The following AP1G1 variants were observed in gnomAD, a reference collection of about 807,000 sequenced individuals.
AP1G1 encodes adaptor related protein complex 1 subunit gamma 1, also known as AP-1 complex subunit gamma-1.
Under a neutral mutation model 108.3 loss-of-function variants are expected in AP1G1, and 7 were observed. The observed-to-expected ratio is 0.06, with a 90% confidence interval of 0.04 to 0.12. The LOEUF is 0.12. Among genes scored for constraint, AP1G1 ranks in the 10% least tolerant of loss-of-function variants. AP1G1 has a pLI of 1.00. For missense variants in AP1G1, 756 were observed against 1,010.7 expected (o/e 0.75, Z 3.42); for synonymous variants, 379 against 353.5 (o/e 1.07, Z -0.81).
chr16:71,806,616 C>T (rs1400225855), intron 1 of AP1G1: 3 of 1,012,968 alleles, frequency 3.0e-6, no homozygotes, highest in African/African-American at 3.4e-5. Context: ...GATAGCTCTT[C>T]TAACACCTTA....
At chr16:71,780,667 A>G (rs1266049206) in intron 2 of AP1G1, among the ~76,000 whole-genome samples, 1 of 151,996 alleles carries the variant, frequency 6.6e-6, no homozygotes, top group Non-Finnish European at 1.5e-5. Flanking sequence ...GTCTTGCTCT[A>G]TCGCCCAAGC....
chr16:71,796,177 T>C (rs1367394393), intron 1 of AP1G1, among the ~76,000 whole-genome samples: 1 of 152,170 alleles, frequency 6.6e-6, no homozygotes, highest in East Asian at 1.9e-4. Context: ...GGACTTGGGT[T>C]GCAGTGAGCT....
rs1351311008 is a variant in AP1G1 at position 71,789,372 on chromosome 16, T to C, written c.108A>G (p.Ser36=). The C allele has an allele frequency of 1.2e-6, 2 of 1,614,250 alleles. No homozygotes were observed. The change falls in exon 2 of 23, where the codon TCA becomes TCG. Residue 36 remains serine, a synonymous_variant. Coordinates refer to ENST00000299980, the MANE Select transcript of AP1G1 (RefSeq NM_001128.6). ...ATGTATTGTCTTCTTCTCTAAAAGA[T>C]GACCGGATTGCAGCACATTCTTTCT... ...MIQKECAAIR[S]SFREEDNTYR... is the part of the protein sequence containing the mutation.
At chr16:71,769,283 CAA>C (rs375309588) in intron 6 of AP1G1, among the ~76,000 whole-genome samples, 1 of 142,088 alleles carries the variant, frequency 7.0e-6, no homozygotes. Context: ...AACTACATCT[CAA>C]AAAAAAAAAC....
chr16:71,750,122 G>A, intron 14 of AP1G1, 88 bp downstream of exon 14: 2 of 1,529,910 alleles, frequency 1.3e-6, no homozygotes, highest in Non-Finnish European at 1.8e-6. Flanking sequence ...CCAAAGGGGA[G>A]AGAGGAGGGG....
intron 2 of AP1G1, among the ~76,000 whole-genome samples, chr16:71,780,504 A>AAG (rs2031974482): frequency 6.6e-6 from 1 of 151,674 alleles, no homozygotes; most frequent in African/African-American, 2.4e-5. Flanking sequence ...ATTTAAAAAA[A>AAG]AAAAAAAAAA....
At chr16:71,752,623 T>C (rs2030564234) in intron 13 of AP1G1, among the ~76,000 whole-genome samples, 1 of 152,162 alleles carries the variant, frequency 6.6e-6, no homozygotes, top group African/African-American at 2.4e-5. Context: ...TTTTGTGTAC[T>C]TGTCCTATTA....
chr16:71,781,375 C>G (rs577254402), intron 2 of AP1G1, among the ~76,000 whole-genome samples: 1 of 152,142 alleles, frequency 6.6e-6, no homozygotes, highest in Non-Finnish European at 1.5e-5. Flanking sequence ...ATAAAAATCA[C>G]GTAACTGTCA....
At chr16:71,791,184 C>A (rs1420643009) in intron 1 of AP1G1, among the ~76,000 whole-genome samples, 1 of 146,270 alleles carries the variant, frequency 6.8e-6, no homozygotes, top group African/African-American at 2.5e-5. Context: ...CACACCACTG[C>A]AATCCAGCCT....
intron 1 of AP1G1, among the ~76,000 whole-genome samples, chr16:71,791,248 A>T (rs576850115): frequency 1.3e-5 from 2 of 151,936 alleles, no homozygotes; most frequent in East Asian, 3.9e-4. Flanking sequence ...CAAAAAAAAC[A>T]AAAACAAAAA....
chr16:71,803,374 T>C (rs1054716814), intron 1 of AP1G1, among the ~76,000 whole-genome samples: 1 of 152,332 alleles, frequency 6.6e-6, no homozygotes, highest in East Asian at 1.9e-4. Context: ...TCCAATGGTC[T>C]GAGTAGGCTT....
chr16:71,765,017 T>C (rs1382669257), intron 7 of AP1G1, among the ~76,000 whole-genome samples: 2 of 152,188 alleles, frequency 1.3e-5, no homozygotes, highest in Non-Finnish European at 2.9e-5. Context: ...TATTAAATAA[T>C]TCAAATAATA....
At chr16:71,806,901 A>ACAATCT (rs1241174694) in intron 1 of AP1G1, among the ~76,000 whole-genome samples, 1 of 152,240 alleles carries the variant, frequency 6.6e-6, no homozygotes, top group Non-Finnish European at 1.5e-5. Context: ...GAATTTATCT[A>ACAATCT]CAATCTCATT....
Position 71,774,567 on chromosome 16 carries a change from G to A in AP1G1, c.227C>T (p.Ser76Phe). The A allele has an allele frequency of 1.3e-6, 2 of 1,590,660 alleles. No individual in the cohort carries two copies. The highest frequency in any genetic ancestry group is 1.7e-6 in the Non-Finnish European group (2 of 1,173,174). The change falls in exon 3 of 23, where the codon TCT becomes TTT. Residue 76 changes from serine to phenylalanine, a missense_variant. By Grantham distance (155) the Ser-to-Phe change is radical (BLOSUM62 -2). This residue lies in a region of AP1G1 where 304 missense variants were observed against 483.6 expected (regional missense o/e 0.63). Coordinates refer to ENST00000299980, the MANE Select transcript of AP1G1 (RefSeq NM_001128.6). ...GQLECLKLIASQKFTDKRIGY... is the reference protein window; with the variant it reads ...GQLECLKLIAFQKFTDKRIGY... ...AATGCGTTTGTCTGTAAATTTTTGA[G>A]AGGCAATAAGCTTGAGGCACTCCAA...
At chr16:71,763,186 C>A (rs1166595710) in intron 9 of AP1G1, among the ~76,000 whole-genome samples, 3 of 152,100 alleles carry the variant, frequency 2.0e-5, no homozygotes, top group Admixed American at 6.5e-5. Flanking sequence ...CAGGGAGAGA[C>A]CCTGTCACTA....
intron 16 of AP1G1, 123 bp downstream of exon 16, chr16:71,748,128 G>C (rs2030280989): frequency 4.0e-6 from 4 of 988,206 alleles, no homozygotes; most frequent in Non-Finnish European, 5.9e-6. Context: ...ATGGAAATTT[G>C]TGTTATTATT....
At chr16:71,789,111 A>G (rs1249857118) in intron 2 of AP1G1, among the ~76,000 whole-genome samples, 168 bp downstream of exon 2, 2 of 152,226 alleles carry the variant, frequency 1.3e-5, no homozygotes, top group African/African-American at 4.8e-5. Flanking sequence ...TGATAGCAAT[A>G]TCATGCCTTT....
At chr16:71,765,646 A>G in intron 6 of AP1G1, 62 bp from the exon 7 acceptor site, 1 of 1,374,308 alleles carries the variant, frequency 7.3e-7, no homozygotes, top group South Asian at 1.2e-5. Flanking sequence ...ATGAATAAGC[A>G]GGTCCTTTGG....
At chr16:71,765,373 A>G in intron 7 of AP1G1, 116 bp downstream of exon 7, 1 of 637,438 alleles carries the variant, frequency 1.6e-6, no homozygotes, top group Non-Finnish European at 2.7e-6. Flanking sequence ...TCATTAATAT[A>G]ATTAATCAAT....
Sources: gnomAD v4.1 joint callset for allele counts (sites outside exome capture counted in the v4.1 genomes callset) on GRCh38, gnomAD v4.1.1 for gene constraint, gnomAD v4.1.1 regional missense constraint, MANE v1.5 for transcripts, NCBI Gene and HGNC (gene_info 2026-07-23, HGNC 2026-07-21) for gene names.